SND1: variants seen among roughly 807,000 people sequenced by gnomAD.
SND1 encodes the protein staphylococcal nuclease and tudor domain containing 1.
SND1 carries 38 observed loss-of-function variants against 121.7 expected under a neutral mutation model. That is an observed-to-expected ratio of 0.31 (90% CI 0.24 to 0.41). SND1 has a LOEUF of 0.41. Among genes scored for constraint, SND1 ranks in the 10% least tolerant of loss-of-function variants. The probability of loss-of-function intolerance (pLI) is 1.00; values close to 1 mark genes in which losing one functional copy is unlikely to be tolerated. For missense variants in SND1, 868 were observed against 1,184.6 expected, an observed-to-expected ratio of 0.73 and a Z score of 3.92; for synonymous variants, 401 against 447.4, an observed-to-expected ratio of 0.90 and a Z score of 1.31.
intron 1 of SND1, among the ~76,000 whole-genome samples, chr7:127,669,435 A>G (rs1005337969): frequency 6.6e-6 from 1 of 152,194 alleles, no homozygotes; most frequent in African/African-American, 2.4e-5. Flanking sequence ...ACTCAAATCT[A>G]TGCAATATCC....
At chr7:128,058,262 C>T (rs1793175049) in intron 16 of SND1, among the ~76,000 whole-genome samples, 5 of 152,290 alleles carry the variant, frequency 3.3e-5, no homozygotes. Flanking sequence ...ACTACATGTG[C>T]TTAGCACAAT....
chr7:127,939,392 A>G (rs1801134774), intron 15 of SND1, among the ~76,000 whole-genome samples: 1 of 152,212 alleles, frequency 6.6e-6, no homozygotes, highest in African/African-American at 2.4e-5. Flanking sequence ...AGAGAGAAAC[A>G]TGATTTGTTC....
chr7:127,852,214 C>T (rs1799177445), intron 12 of SND1, among the ~76,000 whole-genome samples: 2 of 151,202 alleles, frequency 1.3e-5, no homozygotes, highest in African/African-American at 4.9e-5. Context: ...AAAAAATAAT[C>T]CTGGGCGAGA....
intron 13 of SND1, among the ~76,000 whole-genome samples, chr7:127,893,727 G>T (rs1041943501): frequency 3.3e-5 from 5 of 152,032 alleles, no homozygotes; most frequent in African/African-American, 1.2e-4. Flanking sequence ...TCTATTTCTT[G>T]CCTGGCACAC....
intron 21 of SND1, among the ~76,000 whole-genome samples, chr7:128,089,017 C>T (rs1376648801): frequency 1.3e-5 from 2 of 152,120 alleles, no homozygotes; most frequent in African/African-American, 4.8e-5. Context: ...GAGCCTGTTT[C>T]TGCCTCACTA....
At chr7:128,054,376 G>A (rs552587340) in intron 16 of SND1, among the ~76,000 whole-genome samples, 1 of 152,292 alleles carries the variant, frequency 6.6e-6, no homozygotes, top group East Asian at 1.9e-4. Flanking sequence ...CCATATCTAT[G>A]GTAAGTGCTG....
At chr7:127,709,037 T>C (rs1314800523) in intron 9 of SND1, among the ~76,000 whole-genome samples, 2 of 152,220 alleles carry the variant, frequency 1.3e-5, no homozygotes, top group Non-Finnish European at 2.9e-5. Context: ...TAGTGGCCTC[T>C]TTCCCTCTTT....
At chr7:128,038,841 CAT>C (rs770566978) in intron 16 of SND1, among the ~76,000 whole-genome samples, 1 of 152,198 alleles carries the variant, frequency 6.6e-6, no homozygotes, top group East Asian at 1.9e-4. Context: ...CTATTCAAGA[CAT>C]AGATTTTTAC....
chr7:128,020,359 G>A (rs1015459347), intron 16 of SND1, among the ~76,000 whole-genome samples: 1 of 152,160 alleles, frequency 6.6e-6, no homozygotes, highest in African/African-American at 2.4e-5. Flanking sequence ...TTCTGTAAAT[G>A]GCGCCCCCTG....
Position 127,787,854 on chromosome 7 carries a change from A to G in SND1, c.1153-19630A>G, listed in dbSNP as rs1193923818. Among the ~76,000 whole-genome samples the G allele has an allele frequency of 2.6e-5, 4 of 152,226 alleles. No individual in the cohort carries two copies. The East Asian group carries it at 5.8e-4, about 22-fold the overall frequency. Reference sequence around the variant, plus strand: ...ATGCCAGTGTCTGTGCAGACTGACAACTAGCACTGGGGGAGGGGAGGGGAA... The same window carrying G: ...ATGCCAGTGTCTGTGCAGACTGACAGCTAGCACTGGGGGAGGGGAGGGGAA... On this transcript the variant is annotated intron_variant, in intron 10 of 23. Transcript: ENST00000354725.
At chr7:127,962,825 G>C (rs146838405) in intron 15 of SND1, among the ~76,000 whole-genome samples, 85 of 152,212 alleles carry the variant, frequency 5.6e-4, no homozygotes, top group African/African-American at 2.0e-3. Context: ...TTCATCCACT[G>C]GACTTTCAGC....
chr7:128,057,913 T>A (rs551708861), intron 16 of SND1, among the ~76,000 whole-genome samples: 1 of 151,920 alleles, frequency 6.6e-6, no homozygotes, highest in South Asian at 2.1e-4. Context: ...AAGTAGGAGG[T>A]GGTGGAAATG....
At chr7:128,071,904 T>C (rs899844791) in intron 16 of SND1, among the ~76,000 whole-genome samples, 5 of 152,228 alleles carry the variant, frequency 3.3e-5, no homozygotes, top group African/African-American at 1.2e-4. Context: ...TTCTTTCATC[T>C]GCGGCTGGCT....
rs567465210 is a variant in SND1 at position 127,854,376 on chromosome 7, A to G, written c.1343+9952A>G. ...ACTCCTGACCTTAAGTGATCTGCCTACCTTGCCTCCCAAAGTGCTGGGATT... is the reference window on the plus strand; with the variant it reads ...ACTCCTGACCTTAAGTGATCTGCCTGCCTTGCCTCCCAAAGTGCTGGGATT... On this transcript the variant is annotated intron_variant, in intron 12 of 23. Transcript: ENST00000354725. Among the ~76,000 whole-genome samples, 273 of 151,992 alleles carry G rather than the reference A, an allele frequency of 1.8e-3. 1 individual carries two copies. Among genetic ancestry groups the G allele is most frequent in the Non-Finnish European group, 2.7e-3 (182 of 67,956 alleles).
chr7:127,722,311 T>C (rs1008927598), intron 10 of SND1, among the ~76,000 whole-genome samples: 1 of 151,524 alleles, frequency 6.6e-6, no homozygotes, highest in Non-Finnish European at 1.5e-5. Context: ...TGCCTGCTTT[T>C]TTTTTTTTTT....
Position 127,702,538 on chromosome 7 carries a change from C to A in SND1, c.681+12C>A. 6.2e-7 allele frequency: 1 copy of A among 1,610,074 alleles called. No homozygotes were observed. Among genetic ancestry groups the A allele is most frequent in the Non-Finnish European group, 8.5e-7 (1 of 1,176,318 alleles). On this transcript the variant is annotated intron_variant, in intron 6 of 23. Coordinates refer to ENST00000354725, the MANE Select transcript of SND1 (RefSeq NM_014390.4). Reference sequence around the variant, plus strand: ...TGTCAGGCATCAAGGTCAGACCATACTCTTGGCTACGTGGTGGGTTTAGAG... The same window carrying A: ...TGTCAGGCATCAAGGTCAGACCATAATCTTGGCTACGTGGTGGGTTTAGAG...
At chr7:127,747,940 G>C (rs1311105291) in intron 10 of SND1, among the ~76,000 whole-genome samples, 1 of 152,126 alleles carries the variant, frequency 6.6e-6, no homozygotes, top group Non-Finnish European at 1.5e-5. Flanking sequence ...TATGATGATG[G>C]CTCAAATGTA....
chr7:127,776,144 G>T (rs897891370), intron 10 of SND1, among the ~76,000 whole-genome samples: 5 of 152,166 alleles, frequency 3.3e-5, no homozygotes, highest in Non-Finnish European at 7.3e-5. Context: ...GTTCAAAAAA[G>T]CAGTTTGTTG....
In SND1 at chr7:128,029,380, C is replaced by G. The variant is rs1203446657; in HGVS notation, c.1779+38324C>G. ...ACATTGGTCACCATGCATGTGTACA[C>G]CCCAGTGTCTGAAAGCAGCACGTGG... On this transcript the variant is annotated intron_variant, in intron 16 of 23. Transcript: ENST00000354725. The surrounding 1 kb of genome is among the most constrained non-coding windows in gnomAD (Gnocchi z 4.2). 6.2e-7 allele frequency: 1 copy of G among 1,614,070 alleles called. No homozygotes were observed. The highest frequency in any genetic ancestry group is 1.3e-5 in the African/African-American group (1 of 74,910).
Sources: allele counts gnomAD v4.1 joint callset (sites outside exome capture counted in the v4.1 genomes callset), GRCh38; gene constraint gnomAD v4.1.1; non-coding constraint Gnocchi (gnomAD v3.1); transcripts MANE v1.5; gene names NCBI Gene and HGNC (gene_info 2026-07-23, HGNC 2026-07-21).